Variants in SAMD3 observed in about 807,000 individuals in gnomAD.
SAMD3 encodes the protein sterile alpha motif domain-containing protein 3.
A neutral mutation model predicts 58.5 loss-of-function variants in SAMD3; 63 were observed. That is an observed-to-expected ratio of 1.08 (90% confidence interval 0.88 to 1.33). The LOEUF (loss-of-function observed/expected upper bound fraction) is 1.33. Ranked by LOEUF, SAMD3 falls within the 40% of genes most tolerant of loss-of-function variation. The pLI, the probability that SAMD3 is intolerant of heterozygous loss-of-function variation, is 0.00. For missense variants in SAMD3, 604 were observed against 608.4 expected (o/e 0.99, Z 0.08); for synonymous variants, 220 against 210.3 (o/e 1.05, Z -0.40).
chr6:130,338,349 G>A (rs1583127163), intron 1 of SAMD3, among the ~76,000 whole-genome samples: 3 of 152,238 alleles, frequency 2.0e-5, no homozygotes, highest in Admixed American at 1.3e-4. Context: ...TGCTGCAAGG[G>A]GCAGAGCCTT....
In SAMD3 at chr6:130,357,423, C is replaced by T. The variant is rs147976836; in HGVS notation, c.-304+7697G>A. Among the ~76,000 whole-genome samples, 52 of 152,238 alleles carry T rather than the reference C, an allele frequency of 3.4e-4. 2 individuals carry two copies. The East Asian group carries it at 7.2e-3, about 21-fold the overall frequency. ...ACAGGCGTGAGCCACCACACCCGGC[C>T]GGCATCTTTTAATTTCAGTTAAAAA... On this transcript the variant is annotated intron_variant, in intron 1 of 13. Coordinates refer to the SAMD3 transcript ENST00000368134.
chr6:130,166,556 A>G (rs755234418), intron 8 of SAMD3, among the ~76,000 whole-genome samples: 1 of 152,192 alleles, frequency 6.6e-6, no homozygotes, highest in Non-Finnish European at 1.5e-5. Flanking sequence ...GGTCTATCAA[A>G]GATGAACTGC....
intron 8 of SAMD3, among the ~76,000 whole-genome samples, chr6:130,157,802 AG>A (rs1430575324): frequency 1.3e-5 from 2 of 152,242 alleles, no homozygotes; most frequent in East Asian, 3.8e-4. Flanking sequence ...CAATATTCAT[AG>A]ATGATGTGAT....
chr6:130,245,087 G>T (rs73603988), intron 2 of SAMD3, among the ~76,000 whole-genome samples: 2,030 of 152,298 alleles, frequency 0.013, 41 homozygotes, highest in African/African-American at 0.046. Context: ...GGAGTGTTCT[G>T]GATGCATATC....
intron 2 of SAMD3, among the ~76,000 whole-genome samples, chr6:130,216,259 G>A (rs1044836116): frequency 2.0e-5 from 3 of 150,814 alleles, no homozygotes; most frequent in Admixed American, 6.6e-5. Flanking sequence ...GTGGGGTGGA[G>A]GGGGGGATTG....
rs1380744383 is a variant in SAMD3 at position 130,215,270 on chromosome 6, C to T, written c.4G>A (p.Glu2Lys). Residue 2 changes from glutamate to lysine, a missense_variant, in exon 3 of 12, where the codon GAA becomes AAA. Coordinates refer to ENST00000439090, the MANE Select transcript of SAMD3 (RefSeq NM_001017373.4). ...CAGACCTGCTCAACTGACCAGGTTT[C>T]CATTGCTGTCTCCTGTAAATACACC... M[E>K]TWSVEQVCSW... is the part of the protein sequence containing the mutation. The T allele has an allele frequency of 1.2e-6, 2 of 1,607,814 alleles. No individual in the cohort carries two copies. The highest frequency in any genetic ancestry group is 3.4e-5 in the Admixed American group (2 of 59,698).
At chr6:130,344,363 A>G (rs1777375062) in intron 1 of SAMD3, among the ~76,000 whole-genome samples, 2 of 152,138 alleles carry the variant, frequency 1.3e-5, no homozygotes, top group Admixed American at 1.3e-4. Flanking sequence ...TTCTGGAGAT[A>G]CTTGTTTCTG....
At chr6:130,339,337 G>A (rs1268197759) in intron 1 of SAMD3, among the ~76,000 whole-genome samples, 1 of 152,140 alleles carries the variant, frequency 6.6e-6, no homozygotes, top group African/African-American at 2.4e-5. Context: ...GTGAGCCACT[G>A]CTCCCAGCCC....
chr6:130,365,754 CG>C, upstream of SAMD3: 2 of 985,544 alleles, frequency 2.0e-6, no homozygotes, highest in Non-Finnish European at 2.4e-6. Flanking sequence ...GTTTTGTCTG[CG>C]GGTGATTTGG....
intron 7 of SAMD3, among the ~76,000 whole-genome samples, chr6:130,180,792 C>T (rs1792237072): frequency 6.6e-6 from 1 of 152,108 alleles, no homozygotes; most frequent in African/African-American, 2.4e-5. Flanking sequence ...CTTCAATGTA[C>T]TAGACAGTCC....
intron 9 of SAMD3, among the ~76,000 whole-genome samples, chr6:130,151,582 C>G (rs990746934): frequency 6.6e-6 from 1 of 152,150 alleles, no homozygotes; most frequent in Non-Finnish European, 1.5e-5. Context: ...GCTGGGATTA[C>G]AGGCATGTGC....
At chr6:130,301,065 C>T (rs543682416) in intron 2 of SAMD3, among the ~76,000 whole-genome samples, 7 of 152,184 alleles carry the variant, frequency 4.6e-5, no homozygotes, top group Admixed American at 6.5e-5. Context: ...TGAGAACATG[C>T]GGCGTTTGGT....
intron 2 of SAMD3, among the ~76,000 whole-genome samples, chr6:130,283,818 A>AT (rs1243636776): frequency 6.6e-6 from 1 of 152,178 alleles, no homozygotes; most frequent in Admixed American, 6.5e-5. Context: ...ACTAGTAAAC[A>AT]TGTGGGTCAA....
rs1317619509 is a variant in SAMD3 at position 130,351,021 on chromosome 6, A to G, written c.-304+14099T>C. 2.6e-5 allele frequency among the ~76,000 whole-genome samples: 4 copies of G among 152,328 alleles called. No homozygotes were observed. The East Asian group carries it at 5.8e-4, about 22-fold the overall frequency. ...ATGGTGCTGAGAAAAGTGGCTAGCC[A>G]TATGTAGAAAGCTGAAACTGGATCC... On this transcript the variant is annotated intron_variant, in intron 1 of 13. Coordinates refer to the SAMD3 transcript ENST00000368134.
intron 1 of SAMD3, among the ~76,000 whole-genome samples, chr6:130,358,111 G>A (rs934461709): frequency 2.0e-5 from 3 of 152,158 alleles, no homozygotes; most frequent in African/African-American, 7.2e-5. Context: ...GCAGAAAGCT[G>A]CATTTTCTTT....
intron 1 of SAMD3, among the ~76,000 whole-genome samples, chr6:130,314,635 A>G (rs899950937): frequency 1.3e-5 from 2 of 152,238 alleles, no homozygotes; most frequent in African/African-American, 4.8e-5. Flanking sequence ...AGAAGTAACC[A>G]AAAAGGATAT....
At chr6:130,336,669 C>G (rs1040905171) in intron 1 of SAMD3, among the ~76,000 whole-genome samples, 1 of 152,138 alleles carries the variant, frequency 6.6e-6, no homozygotes, top group Non-Finnish European at 1.5e-5. Context: ...TGACAGAATG[C>G]TGGTTGGTGA....
At chr6:130,280,022 A>G (rs1338034403) in intron 2 of SAMD3, among the ~76,000 whole-genome samples, 1 of 135,038 alleles carries the variant, frequency 7.4e-6, no homozygotes, top group African/African-American at 2.7e-5. Flanking sequence ...TCCTAAGTTA[A>G]AAATAAAAAA....
At chr6:130,347,121 A>G (rs1271952883) in intron 1 of SAMD3, among the ~76,000 whole-genome samples, 1 of 152,204 alleles carries the variant, frequency 6.6e-6, no homozygotes, top group East Asian at 1.9e-4. Context: ...AAAACCACAA[A>G]GATGGGGAAA....
Sources: gnomAD v4.1 joint callset for allele counts (sites outside exome capture counted in the v4.1 genomes callset) on GRCh38, gnomAD v4.1.1 for gene constraint, MANE v1.5 for transcripts, NCBI Gene and HGNC (gene_info 2026-07-23, HGNC 2026-07-21) for gene names.